The following SFXN5 variants were observed in gnomAD, a reference collection of about 807,000 sequenced individuals.
SFXN5 encodes sideroflexin 5.
In SFXN5, 43 loss-of-function variants were observed where a neutral mutation model predicts 50.2. The ratio of observed to expected loss-of-function variants is 0.86; its 90% CI spans 0.67 to 1.11. SFXN5 has a LOEUF of 1.11. Ranked by LOEUF, SFXN5 falls within the 50% of genes least tolerant of loss-of-function variation. SFXN5 has a pLI of 0.00. For missense variants in SFXN5, 463 were observed against 454.1 expected (o/e 1.02, Z -0.18); for synonymous variants, 203 against 185.8 (o/e 1.09, Z -0.75).
At chr2:73,034,704 C>A (rs1228865559) in intron 3 of SFXN5, among the ~76,000 whole-genome samples, 1 of 152,166 alleles carries the variant, frequency 6.6e-6, no homozygotes, top group Non-Finnish European at 1.5e-5. Flanking sequence ...CCCATCACTC[C>A]AGTTGCTTCC....
At chr2:73,059,393 C>T in intron 1 of SFXN5, 1 of 985,438 alleles carries the variant, frequency 1.0e-6, no homozygotes, top group Non-Finnish European at 1.2e-6. Context: ...ACTCCGGGCT[C>T]TGCCCCAAAT....
At chr2:72,976,458 A>G (rs917762729) in intron 10 of SFXN5, among the ~76,000 whole-genome samples, 1 of 152,244 alleles carries the variant, frequency 6.6e-6, no homozygotes, top group Non-Finnish European at 1.5e-5. Context: ...CTTCAAGTAA[A>G]GAACAAATAT....
chr2:73,004,311 G>GCACACACACA (rs1491084147), intron 6 of SFXN5, among the ~76,000 whole-genome samples: 2 of 89,622 alleles, frequency 2.2e-5, no homozygotes, highest in Admixed American at 9.4e-5. Context: ...GAATGAGTGC[G>GCACACACACA]CGCGCACACA....
intron 13 of SFXN5, among the ~76,000 whole-genome samples, chr2:72,954,207 AG>A (rs1417645892): frequency 6.6e-6 from 1 of 152,118 alleles, no homozygotes; most frequent in African/African-American, 2.4e-5. Context: ...TCTAGAGCTG[AG>A]GTGAGTAGGG....
At chr2:73,037,169 C>T (rs538076625) in intron 3 of SFXN5, among the ~76,000 whole-genome samples, 1 of 152,238 alleles carries the variant, frequency 6.6e-6, no homozygotes, top group Non-Finnish European at 1.5e-5. Flanking sequence ...GGACCACCCC[C>T]ACCTGCTCTT....
At position 72,992,718 on chromosome 2, in the gene SFXN5, C is replaced by T. The variant is rs1033830675; in HGVS notation, c.535-4370G>A. On this transcript the variant is annotated intron_variant, in intron 9 of 13. Coordinates refer to ENST00000272433, the MANE Select transcript of SFXN5 (RefSeq NM_144579.3). The surrounding 1 kb of genome is among the most constrained non-coding windows in gnomAD (Gnocchi z 4.5). ...AACACTCAGCACGCAGCCTCTGTCC[C>T]TGGATGACAGTGCACCTCCTAACCA... Among the ~76,000 whole-genome samples the T allele has an allele frequency of 3.9e-5, 6 of 152,244 alleles. No individual in the cohort carries two copies. The highest frequency in any genetic ancestry group is 2.6e-4 in the Admixed American group (4 of 15,282).
At chr2:72,990,310 G>A (rs1391049471) in intron 9 of SFXN5, among the ~76,000 whole-genome samples, 2 of 152,186 alleles carry the variant, frequency 1.3e-5, no homozygotes, top group Non-Finnish European at 2.9e-5. Context: ...GGGGCATCAC[G>A]GCGTGGACAC....
In SFXN5 at chr2:73,043,262, G is replaced by A. The variant is rs377241111; in HGVS notation, c.172-2331C>T. On this transcript the variant is annotated intron_variant, in intron 2 of 13. Coordinates refer to ENST00000272433, the MANE Select transcript of SFXN5 (RefSeq NM_144579.3). ...GATGAGACTGGCTAGGCATGAGAGT[G>A]CAGAGACCTCAACATAAGCCCCTTA... Among the ~76,000 whole-genome samples the A allele has an allele frequency of 2.0e-4, 31 of 152,368 alleles. No homozygotes were observed. In the South Asian group the frequency reaches 6.0e-3, roughly 29 times the overall value.
intron 7 of SFXN5, among the ~76,000 whole-genome samples, chr2:73,001,131 T>A (rs981227960): frequency 2.0e-5 from 3 of 152,206 alleles, no homozygotes; most frequent in African/African-American, 7.2e-5. Flanking sequence ...AGGGGTGGAT[T>A]TAGCTTCCTC....
chr2:72,949,102 G>C (rs117545770), intron 13 of SFXN5, among the ~76,000 whole-genome samples: 1 of 152,314 alleles, frequency 6.6e-6, no homozygotes, highest in East Asian at 1.9e-4. Flanking sequence ...TGATCAGAAA[G>C]GGCAGGCCAA....
At chr2:73,027,755 GC>G (rs1677765638) in intron 3 of SFXN5, among the ~76,000 whole-genome samples, 1 of 151,994 alleles carries the variant, frequency 6.6e-6, no homozygotes, top group Non-Finnish European at 1.5e-5. Flanking sequence ...CACCTCTCCG[GC>G]TCAAGCAATC....
Position 72,971,693 on chromosome 2 carries a change from G to C in SFXN5, c.626-8C>G. On this transcript the variant is annotated splice_region_variant and splice_polypyrimidine_tract_variant and intron_variant, in intron 10 of 13. Transcript: ENST00000272433. ...TGCAGATATTGGCACTGGCTGCAGA[G>C]AGAGGGGATGCAGAGAGCAGGATGA... 6.2e-7 allele frequency: 1 copy of C among 1,605,726 alleles called. No homozygotes were observed.
chr2:72,951,301 C>A (rs1015565274), intron 13 of SFXN5, among the ~76,000 whole-genome samples: 1 of 152,102 alleles, frequency 6.6e-6, no homozygotes, highest in African/African-American at 2.4e-5. Context: ...CCCGCTCAGA[C>A]CTTGCTGCCC....
Position 72,961,050 on chromosome 2 carries a change from C to A in SFXN5, c.945+81G>T. ...AGCGCCTAGCATGGCGCTAAGGAGT[C>A]GGCACGGTATGAGTATTTGTTCAGA... On this transcript the variant is annotated intron_variant, in intron 13 of 13. Transcript: ENST00000272433. This position sits in a 1 kb window ranked among gnomAD's most constrained non-coding sequence, Gnocchi z 4.4. 9.6e-7 allele frequency: 1 copy of A among 1,040,182 alleles called. No individual in the cohort carries two copies. Among genetic ancestry groups the A allele is most frequent in the East Asian group, 2.9e-5 (1 of 34,268 alleles). 64.4% of individuals were successfully genotyped at this position (1,040,182 alleles called of 1,614,324 possible).
intron 6 of SFXN5, among the ~76,000 whole-genome samples, chr2:73,006,229 C>A (rs1249740521): frequency 6.6e-6 from 1 of 152,082 alleles, no homozygotes. Flanking sequence ...TACAGTCCAT[C>A]CCAGGTCAGG....
chr2:73,014,418 C>A (rs1675906344), intron 6 of SFXN5, among the ~76,000 whole-genome samples: 1 of 152,136 alleles, frequency 6.6e-6, no homozygotes, highest in South Asian at 2.1e-4. Context: ...GTTCCACTGA[C>A]ATATTTGCTT....
chr2:73,017,782 C>A (rs774271777), intron 6 of SFXN5, among the ~76,000 whole-genome samples: 4 of 152,088 alleles, frequency 2.6e-5, no homozygotes, highest in African/African-American at 4.8e-5. Flanking sequence ...GCTCTGTCCC[C>A]CAAGAGTACC....
intron 3 of SFXN5, among the ~76,000 whole-genome samples, 169 bp from the exon 4 acceptor site, chr2:73,023,383 G>A (rs762473674): frequency 2.0e-5 from 3 of 152,136 alleles, no homozygotes; most frequent in Admixed American, 2.0e-4. Flanking sequence ...ATCCTGGGGG[G>A]GGTGACATCA....
At chr2:72,995,857 C>T (rs982037206) in intron 9 of SFXN5, among the ~76,000 whole-genome samples, 1 of 152,150 alleles carries the variant, frequency 6.6e-6, no homozygotes, top group African/African-American at 2.4e-5. Context: ...AGCAAGCAAG[C>T]TGCCGATTTT....
Sources: allele counts gnomAD v4.1 joint callset (sites outside exome capture counted in the v4.1 genomes callset), GRCh38; gene constraint gnomAD v4.1.1; non-coding constraint Gnocchi (gnomAD v3.1); transcripts MANE v1.5; gene names NCBI Gene and HGNC (gene_info 2026-07-23, HGNC 2026-07-21).